The following PLEKHF1 variants were observed in gnomAD, a reference collection of about 807,000 sequenced individuals.
The protein encoded by PLEKHF1 is pleckstrin homology domain-containing family F member 1.
Under a neutral mutation model 4.1 loss-of-function variants are expected in PLEKHF1, and 1 was observed. That is an observed-to-expected ratio of 0.24 (90% CI 0.09 to 1.15). The LOEUF is 1.15. Among genes scored for constraint, PLEKHF1 ranks in the 50% most tolerant of loss-of-function variants. PLEKHF1 has a pLI of 0.52. For missense variants in PLEKHF1, 429 were observed against 400.6 expected (o/e 1.07, Z -0.60); for synonymous variants, 182 against 178.5 (o/e 1.02, Z -0.16).
rs1003402690 is a variant in PLEKHF1, at chr19:29,674,835, G to A, written c.*156G>A. On this transcript the variant is annotated 3_prime_UTR_variant, in exon 2 of 2. Coordinates refer to ENST00000436066, the MANE Select transcript of PLEKHF1 (RefSeq NM_024310.5). ...CTTTCTGGACTCCCAGTGCCTTTTTGCTGGACACTGTGTCCTTATGGCTTC... is the reference window on the plus strand; with the variant it reads ...CTTTCTGGACTCCCAGTGCCTTTTTACTGGACACTGTGTCCTTATGGCTTC... 3.5e-6 allele frequency: 4 copies of A among 1,130,878 alleles called. No homozygotes were observed. The South Asian group carries it at 5.2e-5, about 15-fold the overall frequency. The allele number at this position is 1,130,878 out of a possible 1,614,324, so 70.1% of individuals were successfully genotyped here.
rs1971630813 is a variant in PLEKHF1, at chr19:29,671,421, T to C, written c.-16-2403T>C. On this transcript the variant is annotated intron_variant, in intron 1 of 1. Coordinates refer to ENST00000436066, the MANE Select transcript of PLEKHF1 (RefSeq NM_024310.5). This position sits in a 1 kb window ranked among gnomAD's most constrained non-coding sequence, Gnocchi z 4.0. ...TTTGCCGTCAGACCACATTGATCTGTATCTCTCATTGCGTGAGTAGCCCCG... is the reference window on the plus strand; with the variant it reads ...TTTGCCGTCAGACCACATTGATCTGCATCTCTCATTGCGTGAGTAGCCCCG... Among the ~76,000 whole-genome samples, 1 of 152,218 alleles carries C rather than the reference T, an allele frequency of 6.6e-6. No individual in the cohort carries two copies. The highest frequency in any genetic ancestry group is 6.5e-5 in the Admixed American group (1 of 15,270).
chr19:29,672,490 G>A (rs1043167999), intron 1 of PLEKHF1, among the ~76,000 whole-genome samples: 1 of 152,180 alleles, frequency 6.6e-6, no homozygotes, highest in Non-Finnish European at 1.5e-5. Context: ...GGAAGGAGCT[G>A]ACCCTGGGAC....
rs1971685351 is a variant in PLEKHF1, at chr19:29,674,745, C to T, written c.*66C>T. 1.3e-6 allele frequency: 2 copies of T among 1,503,298 alleles called. No individual in the cohort carries two copies. Among genetic ancestry groups the T allele is most frequent in the South Asian group, 1.3e-5 (1 of 74,304 alleles). 93.1% of individuals were successfully genotyped at this position (1,503,298 alleles called of 1,614,324 possible). On this transcript the variant is annotated 3_prime_UTR_variant, in exon 2 of 2. Transcript: ENST00000436066. ...TGCCCAGGCCCCCAAGAGGGCAGCT[C>T]CAGAAGCTGCCCAGGGCTCCGGGAC... is the stretch of plus-strand genomic sequence containing the variant.
rs770610782 is a variant in PLEKHF1, at chr19:29,672,978, G to T, written c.-16-846G>T. Among the ~76,000 whole-genome samples the T allele has an allele frequency of 4.6e-5, 7 of 152,296 alleles. No homozygotes were observed. In the East Asian group the frequency reaches 1.4e-3, roughly 29 times the overall value. The stretch of plus-strand genomic sequence containing the variant: ...GCTTAGGGCACCAACAGAGGGGCCT[G>T]TGTGGCCTCACACTCCACTCGGGAC... On this transcript the variant is annotated intron_variant, in intron 1 of 1. Coordinates refer to ENST00000436066, the MANE Select transcript of PLEKHF1 (RefSeq NM_024310.5).
intron 1 of PLEKHF1, among the ~76,000 whole-genome samples, chr19:29,669,652 G>A (rs186386165): frequency 6.6e-6 from 1 of 152,214 alleles, no homozygotes; most frequent in Non-Finnish European, 1.5e-5. Context: ...CCTTAAATTA[G>A]AAGAAGCAAC....
At chr19:29,669,887 C>A (rs1229181389) in intron 1 of PLEKHF1, among the ~76,000 whole-genome samples, 1 of 152,140 alleles carries the variant, frequency 6.6e-6, no homozygotes, top group Non-Finnish European at 1.5e-5. Context: ...TTCAAGTGTA[C>A]AGTTCAGTAG....
chr19:29,667,457 T>A (rs916232764), intron 1 of PLEKHF1, among the ~76,000 whole-genome samples: 1 of 152,114 alleles, frequency 6.6e-6, no homozygotes, highest in Non-Finnish European at 1.5e-5. Flanking sequence ...GCAGGGTGGG[T>A]CTGCGTGCGG....
At chr19:29,672,667 C>T (rs1320372728) in intron 1 of PLEKHF1, among the ~76,000 whole-genome samples, 1 of 152,004 alleles carries the variant, frequency 6.6e-6, no homozygotes, top group African/African-American at 2.4e-5. Context: ...TGTCCTAGGT[C>T]TGGGGTTTGA....
At chr19:29,670,225 C>G (rs946976298) in intron 1 of PLEKHF1, among the ~76,000 whole-genome samples, 3 of 152,192 alleles carry the variant, frequency 2.0e-5, no homozygotes, top group African/African-American at 4.8e-5. Context: ...AGCCACCACA[C>G]CTGGCCTCTA....
At chr19:29,666,433 G>A (rs192830654) in intron 1 of PLEKHF1, among the ~76,000 whole-genome samples, 1 of 152,302 alleles carries the variant, frequency 6.6e-6, no homozygotes, top group African/African-American at 2.4e-5. Flanking sequence ...CCTCCGGGCT[G>A]CCAAAACACA....
chr19:29,669,563 G>A (rs1272281230), intron 1 of PLEKHF1, among the ~76,000 whole-genome samples: 1 of 152,176 alleles, frequency 6.6e-6, no homozygotes, highest in African/African-American at 2.4e-5. Context: ...CCCATCATGA[G>A]ACATGCTCAG....
At position 29,673,998 on chromosome 19, in the gene PLEKHF1, C is replaced by G; in HGVS notation, c.159C>G (p.Arg53=). The G allele has an allele frequency of 6.2e-7, 1 of 1,614,114 alleles. No individual in the cohort carries two copies. Among genetic ancestry groups the G allele is most frequent in the Non-Finnish European group, 8.5e-7 (1 of 1,179,998 alleles). ...AGTGCCGCAAGAAGGCCAAGCCGCG[C>G]ATCTTCTTCCTCTTTAACGACATCC... ...TKECRKKAKP[R]IFFLFNDILV... is the part of the protein sequence containing the mutation. Residue 53 remains arginine, a synonymous_variant, in exon 2 of 2, where the codon CGC becomes CGG. Coordinates refer to ENST00000436066, the MANE Select transcript of PLEKHF1 (RefSeq NM_024310.5).
Position 29,674,408 on chromosome 19 carries a change from G to C in PLEKHF1, c.569G>C (p.Arg190Pro), listed in dbSNP as rs771987223. 1.2e-5 allele frequency: 19 copies of C among 1,530,278 alleles called. No homozygotes were observed. The highest frequency in any genetic ancestry group is 1.7e-5 in the Non-Finnish European group (19 of 1,141,868). 94.8% of individuals were successfully genotyped at this position (1,530,278 alleles called of 1,614,324 possible). Residue 190 changes from arginine to proline, a missense_variant, in exon 2 of 2, where the codon CGC becomes CCC. Transcript: ENST00000436066. The stretch of plus-strand genomic sequence containing the variant: ...GTCTGCGCTGAGTGCTCGCGCCAGC[G>C]CTTCCTGCTCCCGCGCCTGTCCCCC... ...FVVCAECSRQ[R>P]FLLPRLSPKP...
At position 29,674,246 on chromosome 19, in the gene PLEKHF1, C is replaced by T; in HGVS notation, c.407C>T (p.Ala136Val). The T allele has an allele frequency of 1.2e-6, 2 of 1,608,912 alleles. No individual in the cohort carries two copies. The highest frequency in any genetic ancestry group is 1.7e-6 in the Non-Finnish European group (2 of 1,179,286). ...IEECVRRQLR[A>V]TGRPPSTEHA... ...GAGTGCGTGCGGCGGCAACTGAGGG[C>T]CACGGGCCGCCCGCCCAGCACGGAG... is the stretch of plus-strand genomic sequence containing the variant. The change falls in exon 2 of 2, where the codon GCC becomes GTC. Residue 136 changes from alanine (A) to valine (V), a missense_variant. Coordinates refer to ENST00000436066, the MANE Select transcript of PLEKHF1 (RefSeq NM_024310.5).
chr19:29,673,474 T>G (rs550858408), intron 1 of PLEKHF1, among the ~76,000 whole-genome samples: 2 of 151,862 alleles, frequency 1.3e-5, no homozygotes, highest in South Asian at 4.2e-4. Context: ...AGCCTCAAAC[T>G]CCTGGGCTCG....
rs1254940030 is a variant in PLEKHF1, at chr19:29,671,559, C to T, written c.-16-2265C>T. 7.2e-5 allele frequency among the ~76,000 whole-genome samples: 11 copies of T among 152,112 alleles called. No homozygotes were observed. Among genetic ancestry groups the T allele is most frequent in the East Asian group, 5.8e-4 (3 of 5,188 alleles). ...TCAGATTGTCCCTCAGCCAGGTACT[C>T]GGTGATCAGTCATGGTGGGACAGGT... On this transcript the variant is annotated intron_variant, in intron 1 of 1. Transcript: ENST00000436066. This position sits in a 1 kb window ranked among gnomAD's most constrained non-coding sequence, Gnocchi z 4.0.
chr19:29,672,771 TA>T (rs904500833), intron 1 of PLEKHF1, among the ~76,000 whole-genome samples: 3 of 152,054 alleles, frequency 2.0e-5, no homozygotes, highest in Non-Finnish European at 4.4e-5. Context: ...AGGAGCTTAT[TA>T]GACAAGCAGG....
Position 29,673,807 on chromosome 19 carries a change from T to C in PLEKHF1, c.-16-17T>C. 1 of 1,569,678 alleles carries C rather than the reference T, an allele frequency of 6.4e-7. No individual in the cohort carries two copies. ...TGCCTGAGCCTGGACATACTCCTTG[T>C]CTGTCTCCTCCTGCAGCCGCCAGCT... is the stretch of plus-strand genomic sequence containing the variant. On this transcript the variant is annotated splice_polypyrimidine_tract_variant and intron_variant, in intron 1 of 1. Coordinates refer to ENST00000436066, the MANE Select transcript of PLEKHF1 (RefSeq NM_024310.5).
chr19:29,665,727 A>C, intron 1 of PLEKHF1: 1 of 1,094,460 alleles, frequency 9.1e-7, no homozygotes, highest in South Asian at 1.9e-5. Flanking sequence ...GAGCCTGGGG[A>C]GAGCGGTCAG....
Sources: gnomAD v4.1 joint callset for allele counts (sites outside exome capture counted in the v4.1 genomes callset) on GRCh38, gnomAD v4.1.1 for gene constraint, Gnocchi (gnomAD v3.1) non-coding constraint, MANE v1.5 for transcripts, NCBI Gene and HGNC (gene_info 2026-07-23, HGNC 2026-07-21) for gene names.